The following CTNND2 variants were observed in gnomAD, a reference collection of about 807,000 sequenced individuals.
The protein encoded by CTNND2 is catenin delta 2.
CTNND2 carries 22 observed loss-of-function variants against 144.4 expected under a neutral mutation model. The ratio of observed to expected loss-of-function variants is 0.15; its 90% CI spans 0.11 to 0.22. The LOEUF (loss-of-function observed/expected upper bound fraction) is 0.22, where lower values mean the gene tolerates loss of function less well. Among genes scored for constraint, CTNND2 ranks in the 10% least tolerant of loss-of-function variants. CTNND2 has a pLI of 1.00. For synonymous variants in CTNND2, 751 were observed against 695.6 expected, an observed-to-expected ratio of 1.08 and a Z score of -1.25; for missense variants, 1,353 against 1,618.8, an observed-to-expected ratio of 0.84 and a Z score of 2.82.
intron 2 of CTNND2, among the ~76,000 whole-genome samples, chr5:11,700,246 A>G (rs2126669016): frequency 6.6e-6 from 1 of 152,106 alleles, no homozygotes; most frequent in South Asian, 2.1e-4. Flanking sequence ...AAGAAAAATT[A>G]GCTGGGCTTG....
intron 7 of CTNND2, among the ~76,000 whole-genome samples, chr5:11,366,096 C>T (rs562520589): frequency 6.6e-6 from 1 of 152,316 alleles, no homozygotes; most frequent in South Asian, 2.1e-4. Flanking sequence ...CATGTCGGGA[C>T]AGCTCTCCTT....
At chr5:11,586,325 G>A (rs1391118192) in intron 2 of CTNND2, among the ~76,000 whole-genome samples, 1 of 152,120 alleles carries the variant, frequency 6.6e-6, no homozygotes, top group East Asian at 1.9e-4. Flanking sequence ...GATCCCACCA[G>A]ACTTTTTAGT....
chr5:11,270,547 T>C (rs1464321588), intron 9 of CTNND2, among the ~76,000 whole-genome samples: 2 of 152,044 alleles, frequency 1.3e-5, no homozygotes, highest in African/African-American at 4.8e-5. Flanking sequence ...GTCAGATTTC[T>C]GTCTGAATTA....
At chr5:11,420,384 T>C (rs966468881) in intron 3 of CTNND2, among the ~76,000 whole-genome samples, 2 of 152,154 alleles carry the variant, frequency 1.3e-5, no homozygotes, top group Non-Finnish European at 2.9e-5. Flanking sequence ...AACAAAGACC[T>C]TTATATTGAT....
chr5:11,427,829 A>T (rs148639007), intron 3 of CTNND2, among the ~76,000 whole-genome samples: 13 of 152,240 alleles, frequency 8.5e-5, no homozygotes, highest in Non-Finnish European at 1.8e-4. Context: ...CCACTGTCAA[A>T]GAAATCCACA....
intron 20 of CTNND2, among the ~76,000 whole-genome samples, chr5:10,987,375 G>A (rs556921613): frequency 1.3e-5 from 2 of 152,304 alleles, no homozygotes; most frequent in Admixed American, 6.5e-5. Context: ...AGTGGAGGGG[G>A]CAGAGACAGA....
At chr5:11,260,421 G>A (rs185957173) in intron 9 of CTNND2, among the ~76,000 whole-genome samples, 4 of 151,932 alleles carry the variant, frequency 2.6e-5, no homozygotes, top group Admixed American at 6.6e-5. Flanking sequence ...GGTCTCACAC[G>A]AAAACCCAAT....
intron 1 of CTNND2, among the ~76,000 whole-genome samples, chr5:11,773,413 A>C (rs1790059867): frequency 1.3e-5 from 2 of 152,254 alleles, no homozygotes; most frequent in Admixed American, 6.5e-5. Context: ...CCTGTGATAC[A>C]GAATTAGTTA....
rs556175042 is a variant in CTNND2, at chr5:11,453,972, A to G, written c.288-41903T>C. Among the ~76,000 whole-genome samples, 73 of 152,340 alleles carry G rather than the reference A, an allele frequency of 4.8e-4. 1 individual carries two copies. The highest frequency in any genetic ancestry group is 3.5e-3 in the South Asian group (17 of 4,832). On this transcript the variant is annotated intron_variant, in intron 3 of 21. Transcript: ENST00000304623. ...TGTTACAGAAATACAAATTTATTCT[A>G]TCAACATTAACACTTTATAGGATTT...
At chr5:11,294,217 G>T (rs1298256719) in intron 9 of CTNND2, among the ~76,000 whole-genome samples, 1 of 150,036 alleles carries the variant, frequency 6.7e-6, no homozygotes, top group Admixed American at 6.6e-5. Context: ...AATTAAGAAT[G>T]TCCTTGATGT....
rs1033715976 is a variant in CTNND2, at chr5:11,903,907, G to A, written c.-54C>T. 2.1e-6 allele frequency: 3 copies of A among 1,395,754 alleles called. No homozygotes were observed. Among genetic ancestry groups the A allele is most frequent in the African/African-American group, 1.5e-5 (1 of 65,884 alleles). 86.5% of individuals were successfully genotyped at this position (1,395,754 alleles called of 1,614,324 possible). On this transcript the variant is annotated 5_prime_UTR_variant, in exon 1 of 22. Coordinates refer to ENST00000304623, the MANE Select transcript of CTNND2 (RefSeq NM_001332.4). This position sits in a 1 kb window ranked among gnomAD's most constrained non-coding sequence, Gnocchi z 5.4. ...TCCGGGAAGAGGCGTGCGCGGCGCCGCCCGGCTTCAGGGCAAGGTCCTGAC... is the reference window on the plus strand; with the variant it reads ...TCCGGGAAGAGGCGTGCGCGGCGCCACCCGGCTTCAGGGCAAGGTCCTGAC...
At chr5:11,033,879 G>C (rs916343461) in intron 16 of CTNND2, among the ~76,000 whole-genome samples, 1 of 151,916 alleles carries the variant, frequency 6.6e-6, no homozygotes. Context: ...CTTATTTCAA[G>C]GAAAAACACA....
intron 20 of CTNND2, among the ~76,000 whole-genome samples, chr5:10,985,555 C>T (rs1292509258): frequency 6.6e-6 from 1 of 152,190 alleles, no homozygotes; most frequent in African/African-American, 2.4e-5. Context: ...CCCTCATAGG[C>T]TGCATTTTGG....
intron 3 of CTNND2, among the ~76,000 whole-genome samples, chr5:11,428,139 A>G (rs1007846041): frequency 3.3e-5 from 5 of 152,170 alleles, no homozygotes; most frequent in Non-Finnish European, 5.9e-5. Flanking sequence ...ACACGTGGGA[A>G]TTCTGGGAGA....
At chr5:11,386,121 G>A (rs547857512) in intron 6 of CTNND2, 15 of 152,342 alleles carry the variant, frequency 9.8e-5, no homozygotes, top group African/African-American at 3.4e-4. Context: ...CTTGAATCTT[G>A]TCCAGAGACA....
intron 5 of CTNND2, among the ~76,000 whole-genome samples, chr5:11,409,285 C>T (rs1761333271): frequency 1.3e-5 from 2 of 152,022 alleles, no homozygotes; most frequent in East Asian, 1.9e-4. Flanking sequence ...AAGAATATGG[C>T]CCTCCATACT....
chr5:11,084,580 T>G (rs995395165), intron 15 of CTNND2, among the ~76,000 whole-genome samples: 16 of 152,256 alleles, frequency 1.1e-4, no homozygotes, highest in Admixed American at 7.8e-4. Flanking sequence ...CGGGGAGATA[T>G]TCTTGACCTT....
intron 2 of CTNND2, among the ~76,000 whole-genome samples, chr5:11,576,997 T>C (rs1778022106): frequency 6.6e-6 from 1 of 152,218 alleles, no homozygotes; most frequent in Non-Finnish European, 1.5e-5. Flanking sequence ...CGGAGTTTTC[T>C]AGTATATATA....
At chr5:11,309,796 G>C (rs1413122893) in intron 9 of CTNND2, among the ~76,000 whole-genome samples, 1 of 152,168 alleles carries the variant, frequency 6.6e-6, no homozygotes, top group African/African-American at 2.4e-5. Flanking sequence ...CACAGTGTTG[G>C]AGGAGGGGCT....
Sources: gnomAD v4.1 joint callset for allele counts (sites outside exome capture counted in the v4.1 genomes callset) on GRCh38, gnomAD v4.1.1 for gene constraint, Gnocchi (gnomAD v3.1) non-coding constraint, MANE v1.5 for transcripts, NCBI Gene and HGNC (gene_info 2026-07-23, HGNC 2026-07-21) for gene names.